The following TMEM132D variants were observed in gnomAD, a reference collection of about 807,000 sequenced individuals.
TMEM132D encodes mature OL transmembrane protein.
TMEM132D carries 21 observed loss-of-function variants against 62.3 expected under a neutral mutation model. That is an observed-to-expected ratio of 0.34 (90% confidence interval 0.24 to 0.49). TMEM132D has a LOEUF of 0.49. TMEM132D is among the 20% of genes least tolerant of loss of function. The pLI, the probability that TMEM132D is intolerant of heterozygous loss-of-function variation, is 0.99. For missense variants in TMEM132D, 1,346 were observed against 1,402.8 expected, an observed-to-expected ratio of 0.96 and a Z score of 0.65; for synonymous variants, 621 against 575.6, an observed-to-expected ratio of 1.08 and a Z score of -1.13.
At chr12:129,386,192 G>C (rs2135690468) in intron 3 of TMEM132D, among the ~76,000 whole-genome samples, 1 of 152,260 alleles carries the variant, frequency 6.6e-6, no homozygotes, top group South Asian at 2.1e-4. Flanking sequence ...CCAATTAATG[G>C]AAACTGTTAT....
intron 5 of TMEM132D, among the ~76,000 whole-genome samples, chr12:129,197,779 A>C (rs1878589413): frequency 6.6e-6 from 1 of 152,256 alleles, no homozygotes; most frequent in Admixed American, 6.5e-5. Flanking sequence ...AAAACAAAAT[A>C]GACAAATGAA....
At chr12:129,212,287 G>A (rs747128630) in intron 4 of TMEM132D, 1 of 152,192 alleles carries the variant, frequency 6.6e-6, no homozygotes, top group South Asian at 2.1e-4. Flanking sequence ...AATAGCATAC[G>A]TGTTTCTGCC....
chr12:129,088,730 G>GA (rs1379592620), intron 5 of TMEM132D, among the ~76,000 whole-genome samples: 5 of 48,634 alleles, frequency 1.0e-4, no homozygotes, highest in African/African-American at 1.5e-4. Context: ...CCCTGACCGG[G>GA]TGTCCTCCAT....
chr12:129,429,596 T>C (rs76852632), intron 3 of TMEM132D, among the ~76,000 whole-genome samples: 1 of 149,440 alleles, frequency 6.7e-6, no homozygotes, highest in Non-Finnish European at 1.5e-5. Flanking sequence ...TTTTTTTTTT[T>C]AATATACTTT....
At chr12:129,762,324 T>C (rs908906924) in intron 1 of TMEM132D, among the ~76,000 whole-genome samples, 3 of 152,048 alleles carry the variant, frequency 2.0e-5, no homozygotes, top group Admixed American at 2.0e-4. Context: ...TGCCACTCTC[T>C]GCTTGGTTAA....
intron 1 of TMEM132D, among the ~76,000 whole-genome samples, chr12:129,845,455 G>A (rs547582316): frequency 1.4e-4 from 21 of 152,252 alleles, no homozygotes; most frequent in Non-Finnish European, 2.6e-4. Context: ...AATGAAACAC[G>A]TCTGAGACGG....
chr12:129,587,091 CAT>C (rs1565913626), intron 2 of TMEM132D, among the ~76,000 whole-genome samples: 5 of 152,078 alleles, frequency 3.3e-5, no homozygotes, highest in African/African-American at 1.2e-4. Flanking sequence ...TAGAGCAAAA[CAT>C]ATCACTACAG....
At chr12:129,191,510 T>C (rs10773607) in intron 5 of TMEM132D, among the ~76,000 whole-genome samples, 62,806 of 148,284 alleles carry the variant, frequency 0.42, 13,538 homozygotes, top group Middle Eastern at 0.53. Flanking sequence ...TATACATAAA[T>C]ATAGCTATAT....
In TMEM132D at chr12:129,081,945, G is replaced by C. The variant is rs1259519261; in HGVS notation, c.1737C>G (p.Val579=). The change falls in exon 7 of 9, where the codon GTC becomes GTG. Residue 579 remains valine, a synonymous_variant. Coordinates refer to ENST00000422113, the MANE Select transcript of TMEM132D (RefSeq NM_133448.3). ...CCGCCTCAGCCACAAACTGCGTCAG[G>C]ACCCGCACCATGGCGTGCTGGTACT... The part of the protein sequence containing the change: ...TLQYQHAMVR[V]LTQFVAEAAG... 6.2e-7 allele frequency: 1 copy of C among 1,614,040 alleles called. No homozygotes were observed. Among genetic ancestry groups the C allele is most frequent in the Non-Finnish European group, 8.5e-7 (1 of 1,180,028 alleles).
At chr12:129,820,214 T>G (rs999881237) in intron 1 of TMEM132D, among the ~76,000 whole-genome samples, 1 of 152,198 alleles carries the variant, frequency 6.6e-6, no homozygotes, top group Non-Finnish European at 1.5e-5. Context: ...CTTGCCTCCC[T>G]TAGGAATTTA....
chr12:129,086,197 C>CACGT (rs1555228432), intron 5 of TMEM132D, among the ~76,000 whole-genome samples: 47 of 73,506 alleles, frequency 6.4e-4, no homozygotes, highest in African/African-American at 1.0e-3. Context: ...TAGTCACGCG[C>CACGT]GCGCGTGTGT....
At chr12:129,742,658 TACTC>T (rs1282159000) in intron 1 of TMEM132D, among the ~76,000 whole-genome samples, 2 of 152,196 alleles carry the variant, frequency 1.3e-5, no homozygotes, top group East Asian at 3.8e-4. Context: ...GAAAATTTGA[TACTC>T]ACAACACAAA....
At chr12:129,751,130 A>G (rs1869987090) in intron 1 of TMEM132D, among the ~76,000 whole-genome samples, 3 of 152,274 alleles carry the variant, frequency 2.0e-5, no homozygotes, top group South Asian at 2.1e-4. Context: ...ACAATGCTAT[A>G]AAGACATAAC....
At chr12:129,424,613 C>A (rs947335977) in intron 3 of TMEM132D, among the ~76,000 whole-genome samples, 2 of 143,486 alleles carry the variant, frequency 1.4e-5, no homozygotes, top group Non-Finnish European at 3.0e-5. Context: ...GAGGCTGAGG[C>A]AGGAGAATGG....
intron 4 of TMEM132D, among the ~76,000 whole-genome samples, chr12:129,241,800 A>G (rs1186267396): frequency 6.6e-6 from 1 of 152,238 alleles, no homozygotes; most frequent in Admixed American, 6.5e-5. Flanking sequence ...CATTTTGATA[A>G]CAAAACAGTA....
intron 2 of TMEM132D, among the ~76,000 whole-genome samples, chr12:129,576,436 C>A (rs1877660427): frequency 6.6e-6 from 1 of 151,458 alleles, no homozygotes; most frequent in African/African-American, 2.4e-5. Context: ...ATATGTGTGT[C>A]TATAAGTATG....
chr12:129,327,824 A>G (rs562671675), intron 4 of TMEM132D, among the ~76,000 whole-genome samples: 1 of 152,312 alleles, frequency 6.6e-6, no homozygotes, highest in African/African-American at 2.4e-5. Flanking sequence ...GAGTGATATT[A>G]AAAAATAAAT....
At chr12:129,237,149 G>T (rs1879808204) in intron 4 of TMEM132D, among the ~76,000 whole-genome samples, 2 of 152,032 alleles carry the variant, frequency 1.3e-5, no homozygotes, top group South Asian at 2.1e-4. Context: ...GAGGATTTTT[G>T]CATCTACATT....
At position 129,283,958 on chromosome 12, in the gene TMEM132D, A is replaced by G. The variant is rs1055814898; in HGVS notation, c.1299+53676T>C. Among the ~76,000 whole-genome samples, 8 of 152,218 alleles carry G rather than the reference A, an allele frequency of 5.3e-5. No homozygotes were observed. In the East Asian group the frequency reaches 1.3e-3, roughly 26 times the overall value. ...ACCAATGGAAAGCACTGGGAGTGAC[A>G]TTCAAAAGCTTAAGCCAATGAGCAG... On this transcript the variant is annotated intron_variant, in intron 4 of 8. Transcript: ENST00000422113.
Sources: gnomAD v4.1 joint callset for allele counts (sites outside exome capture counted in the v4.1 genomes callset) on GRCh38, gnomAD v4.1.1 for gene constraint, MANE v1.5 for transcripts, NCBI Gene and HGNC (gene_info 2026-07-23, HGNC 2026-07-21) for gene names.